Variants in DNAJA2 observed in about 807,000 individuals in gnomAD.
The protein encoded by DNAJA2 is DnaJ heat shock protein family (Hsp40) member A2.
DNAJA2 carries 6 observed loss-of-function variants against 49.3 expected under a neutral mutation model. The observed-to-expected ratio is 0.12, with a 90% CI of 0.07 to 0.24. The LOEUF is 0.24. DNAJA2 is among the 10% of genes least tolerant of loss of function. The pLI, the probability that DNAJA2 is intolerant of heterozygous loss-of-function variation, is 1.00. For synonymous variants in DNAJA2, 160 were observed against 172.7 expected, an observed-to-expected ratio of 0.93 and a Z score of 0.58; for missense variants, 347 against 516.8, an observed-to-expected ratio of 0.67 and a Z score of 3.19.
intron 4 of DNAJA2, 80 bp downstream of exon 4, chr16:46,968,004 T>C: frequency 7.5e-7 from 1 of 1,339,044 alleles, no homozygotes; most frequent in Non-Finnish European, 1.0e-6. Flanking sequence ...CTTATAACAA[T>C]TTTTACGTGG....
intron 1 of DNAJA2, 167 bp from the exon 2 acceptor site, chr16:46,972,122 CTAATG>C (rs1057133963): frequency 1.7e-6 from 1 of 603,426 alleles, no homozygotes; most frequent in East Asian, 2.8e-5. Context: ...ATACTGTTTA[CTAATG>C]TAATATAACC....
chr16:46,971,045 AAAAGAGAG>A (rs1364115391), intron 3 of DNAJA2, among the ~76,000 whole-genome samples: 1 of 151,774 alleles, frequency 6.6e-6, no homozygotes, highest in Non-Finnish European at 1.5e-5. Context: ...CAAAAAAAAA[AAAAGAGAG>A]AGAGAGAAAA....
At chr16:46,966,402 TTA>T (rs1219255758) in intron 5 of DNAJA2, among the ~76,000 whole-genome samples, 2 of 152,208 alleles carry the variant, frequency 1.3e-5, no homozygotes, top group African/African-American at 4.8e-5. Context: ...AGCTACTTGT[TTA>T]TGTTTAAATT....
intron 1 of DNAJA2, chr16:46,972,825 G>C (rs1962073400): frequency 6.6e-6 from 1 of 152,280 alleles, no homozygotes; most frequent in South Asian, 2.1e-4. Flanking sequence ...TCAGGCGTTT[G>C]GCTGGGACCA....
At chr16:46,968,769 A>G (rs1962008195) in intron 3 of DNAJA2, among the ~76,000 whole-genome samples, 1 of 152,214 alleles carries the variant, frequency 6.6e-6, no homozygotes, top group Admixed American at 6.5e-5. Flanking sequence ...TTTTCATGCC[A>G]GGTGCAGTGG....
intron 5 of DNAJA2, 110 bp from the exon 6 acceptor site, chr16:46,964,917 T>C (rs990760822): frequency 3.2e-6 from 3 of 947,116 alleles, no homozygotes; most frequent in Non-Finnish European, 4.6e-6. Context: ...ACCTAAATTT[T>C]TATTCAAAGC....
rs1166009143 is a variant in DNAJA2 at position 46,971,884 on chromosome 16, C to T, written c.138+12G>A. 4 of 1,605,892 alleles carry T rather than the reference C, an allele frequency of 2.5e-6. No individual in the cohort carries two copies. Among genetic ancestry groups the T allele is most frequent in the South Asian group, 2.2e-5 (2 of 90,754 alleles). On this transcript the variant is annotated intron_variant, in intron 2 of 8. Transcript: ENST00000317089. ...TAAAACCCCCGGAATAAAAAAGGTG[C>T]AAATAACTTACTTTGTCTCCTGCAT...
At chr16:46,959,194 T>G in intron 7 of DNAJA2, 64 bp from the exon 8 acceptor site, 1 of 1,579,568 alleles carries the variant, frequency 6.3e-7, no homozygotes. Flanking sequence ...TTTTTTAGAG[T>G]TATGCAGTAT....
intron 5 of DNAJA2, among the ~76,000 whole-genome samples, 173 bp from the exon 6 acceptor site, chr16:46,964,980 G>A (rs1159150509): frequency 1.3e-5 from 2 of 152,108 alleles, no homozygotes; most frequent in Non-Finnish European, 2.9e-5. Flanking sequence ...AGCATTTTGC[G>A]AGGTCAGGGT....
In DNAJA2 at chr16:46,956,842, G is replaced by T; in HGVS notation, c.*187C>A. 1.6e-6 allele frequency: 1 copy of T among 638,784 alleles called. No individual in the cohort carries two copies. Among genetic ancestry groups the T allele is most frequent in the Non-Finnish European group, 2.7e-6 (1 of 366,904 alleles). 39.6% of individuals were successfully genotyped at this position (638,784 alleles called of 1,614,324 possible). On this transcript the variant is annotated 3_prime_UTR_variant, in exon 9 of 9. Coordinates refer to ENST00000317089, the MANE Select transcript of DNAJA2 (RefSeq NM_005880.4). Reference sequence around the variant, plus strand: ...TCTGCTATGGAACAGTCAAAATGAAGATGTAAAGCTTTGTGGTTAGTTTAA... The same window carrying T: ...TCTGCTATGGAACAGTCAAAATGAATATGTAAAGCTTTGTGGTTAGTTTAA...
chr16:46,960,801 T>C (rs1036227532), intron 6 of DNAJA2, among the ~76,000 whole-genome samples: 2 of 150,622 alleles, frequency 1.3e-5, no homozygotes, highest in Non-Finnish European at 3.0e-5. Flanking sequence ...ATAAAAAAAT[T>C]TAAAAAAGCT....
At chr16:46,961,212 T>C (rs1042730955) in intron 6 of DNAJA2, among the ~76,000 whole-genome samples, 1 of 151,440 alleles carries the variant, frequency 6.6e-6, no homozygotes, top group Non-Finnish European at 1.5e-5. Context: ...AAATTCTGTC[T>C]CTACTAAAAA....
intron 8 of DNAJA2, 199 bp downstream of exon 8, chr16:46,958,804 G>C (rs1596654347): frequency 2.0e-6 from 1 of 509,410 alleles, no homozygotes; most frequent in East Asian, 3.3e-5. Flanking sequence ...AATTAGCCAG[G>C]CATGGCAACA....
chr16:46,963,864 T>C (rs377309466), intron 6 of DNAJA2, among the ~76,000 whole-genome samples: 1 of 152,096 alleles, frequency 6.6e-6, no homozygotes, highest in African/African-American at 2.4e-5. Flanking sequence ...ACAGTGAAAA[T>C]ACAGGCTGCC....
chr16:46,962,966 T>G (rs1222417641), intron 6 of DNAJA2, among the ~76,000 whole-genome samples: 1 of 152,228 alleles, frequency 6.6e-6, no homozygotes, highest in Non-Finnish European at 1.5e-5. Flanking sequence ...TTACTCTATT[T>G]GAAGAAATGA....
At chr16:46,959,925 C>T (rs550028522) in intron 6 of DNAJA2, among the ~76,000 whole-genome samples, 2 of 152,370 alleles carry the variant, frequency 1.3e-5, no homozygotes, top group Non-Finnish European at 1.5e-5. Context: ...ACAAGTCTCA[C>T]ATCTCACTAA....
chr16:46,971,661 TA>T (rs71134521), intron 2 of DNAJA2, 89 bp from the exon 3 acceptor site: 6,301 of 465,988 alleles, frequency 0.014, no homozygotes, highest in African/African-American at 0.027. Context: ...CATTTAATTC[TA>T]AAAAAAAAAA....
intron 7 of DNAJA2, 63 bp from the exon 8 acceptor site, chr16:46,959,193 G>A: frequency 6.3e-7 from 1 of 1,580,668 alleles, no homozygotes; most frequent in East Asian, 2.2e-5. Context: ...TTTTTTTAGA[G>A]TTATGCAGTA....
At position 46,955,474 on chromosome 16, in the gene DNAJA2, T is replaced by G. The variant is rs1961795852; in HGVS notation, c.*1555A>C. The G allele has an allele frequency of 6.6e-6, 1 of 152,258 alleles. No individual in the cohort carries two copies. Among genetic ancestry groups the G allele is most frequent in the South Asian group, 2.1e-4 (1 of 4,838 alleles). The allele number at this position is 152,258 out of a possible 1,614,324, so 9.4% of individuals were successfully genotyped here. A position where few individuals can be genotyped will look rare whatever the true frequency, so the allele number is the denominator to read the frequency against. On this transcript the variant is annotated 3_prime_UTR_variant, in exon 9 of 9. Coordinates refer to ENST00000317089, the MANE Select transcript of DNAJA2 (RefSeq NM_005880.4). ...CCTTGGATACAAAACTACTATGCTG[T>G]TGAATCTTACCCAGGCTTGTTGTAA...
Sources: gnomAD v4.1 joint callset for allele counts (sites outside exome capture counted in the v4.1 genomes callset) on GRCh38, gnomAD v4.1.1 for gene constraint, MANE v1.5 for transcripts, NCBI Gene and HGNC (gene_info 2026-07-23, HGNC 2026-07-21) for gene names.